Variants in SLC25A33 observed in about 807,000 individuals in gnomAD.
SLC25A33 encodes the protein bone marrow stromal cell mitochondrial carrier protein.
A neutral mutation model predicts 35.5 loss-of-function variants in SLC25A33; 15 were observed. The observed-to-expected ratio is 0.42, with a 90% CI of 0.28 to 0.65. The LOEUF (loss-of-function observed/expected upper bound fraction) is 0.65. Among genes scored for constraint, SLC25A33 ranks in the 30% least tolerant of loss-of-function variants. SLC25A33 has a pLI of 0.20. For synonymous variants in SLC25A33, 136 were observed against 148.7 expected (o/e 0.91, Z 0.62); for missense variants, 257 against 398.5 (o/e 0.64, Z 3.02).
At chr1:9,567,893 A>G (rs1489929799) in intron 3 of SLC25A33, among the ~76,000 whole-genome samples, 1 of 152,232 alleles carries the variant, frequency 6.6e-6, no homozygotes, top group Non-Finnish European at 1.5e-5. Context: ...CCCAGTACAT[A>G]AGGGTAGTCA....
At chr1:9,555,110 CTTTTTTTTTTTTT>C (rs1172100444) in intron 2 of SLC25A33, among the ~76,000 whole-genome samples, 1 of 91,178 alleles carries the variant, frequency 1.1e-5, no homozygotes, top group Non-Finnish European at 2.0e-5. Context: ...GCATTTAGCA[CTTTTTTTTTTTTT>C]TTTTTTTTTT....
At position 9,580,171 on chromosome 1, in the gene SLC25A33, T is replaced by A; in HGVS notation, c.700T>A (p.Phe234Ile). 2 of 1,609,760 alleles carry A rather than the reference T, an allele frequency of 1.2e-6. No homozygotes were observed. The highest frequency in any genetic ancestry group is 2.2e-5 in the South Asian group (2 of 90,298). The change falls in exon 6 of 7, where the codon TTT (phenylalanine) becomes ATT (isoleucine). Residue 234 changes from phenylalanine (F) to isoleucine (I), a missense_variant. Physicochemically the swap from Phe to Ile is conservative, Grantham distance 21. Transcript: ENST00000302692. Reference protein sequence around the residue: ...NGTEKNSTSFFGLMAAAALSK... With the variant: ...NGTEKNSTSFIGLMAAAALSK... Reference sequence around the variant, plus strand: ...GACTGAGAAAAATTCCACAAGTTTTTTTGGACTTATGGCAGCTGCTGCTCT... The same window carrying A: ...GACTGAGAAAAATTCCACAAGTTTTATTGGACTTATGGCAGCTGCTGCTCT...
intron 1 of SLC25A33, among the ~76,000 whole-genome samples, chr1:9,553,306 C>G (rs565878089): frequency 1.4e-5 from 2 of 142,484 alleles, no homozygotes; most frequent in African/African-American, 5.3e-5. Flanking sequence ...CTCACTGCAG[C>G]CTCTGCCTCC....
chr1:9,547,897 G>A (rs1411208611), intron 1 of SLC25A33, among the ~76,000 whole-genome samples: 1 of 151,324 alleles, frequency 6.6e-6, no homozygotes, highest in Non-Finnish European at 1.5e-5. Context: ...TGTCACCCAC[G>A]CTGGAGTGCA....
intron 2 of SLC25A33, among the ~76,000 whole-genome samples, chr1:9,566,368 A>C (rs763816881): frequency 2.6e-5 from 4 of 152,152 alleles, no homozygotes; most frequent in Non-Finnish European, 5.9e-5. Context: ...ATAAGATTCT[A>C]CTACATTAGG....
rs985161017 is a variant in SLC25A33, at chr1:9,582,223, C to T, written c.764-76C>T. On this transcript the variant is annotated intron_variant, in intron 6 of 6. Transcript: ENST00000302692. The surrounding 1 kb of genome is among the most constrained non-coding windows in gnomAD (Gnocchi z 4.0). Reference sequence around the variant, plus strand: ...GCCACCGCACCCGGCCTAACCTTGACAGTTTTAAAGTTGTGTGCTGTGGAT... The same window carrying T: ...GCCACCGCACCCGGCCTAACCTTGATAGTTTTAAAGTTGTGTGCTGTGGAT... The T allele has an allele frequency of 6.6e-7, 1 of 1,526,484 alleles. No homozygotes were observed. The highest frequency in any genetic ancestry group is 9.1e-7 in the Non-Finnish European group (1 of 1,102,578). 94.6% of individuals were successfully genotyped at this position (1,526,484 alleles called of 1,614,324 possible). A position where few individuals can be genotyped will look rare whatever the true frequency, so the allele number is the denominator to read the frequency against.
chr1:9,576,712 A>G (rs1029613976), intron 5 of SLC25A33: 4 of 733,378 alleles, frequency 5.5e-6, no homozygotes, highest in East Asian at 7.0e-5. Flanking sequence ...TCACTTCCCC[A>G]CCGACATTGT....
chr1:9,573,711 C>T (rs1643621540), intron 5 of SLC25A33, among the ~76,000 whole-genome samples: 1 of 152,142 alleles, frequency 6.6e-6, no homozygotes, highest in African/African-American at 2.4e-5. Flanking sequence ...TTGCAGACCC[C>T]ACCCCAGTTG....
At chr1:9,556,322 T>C (rs1226740581) in intron 2 of SLC25A33, 1 of 870,062 alleles carries the variant, frequency 1.1e-6, no homozygotes, top group East Asian at 1.2e-4. Flanking sequence ...ACTAGTGAAT[T>C]TGGATTTACT....
At position 9,580,066 on chromosome 1, in the gene SLC25A33, G is replaced by A. The variant is rs544661758; in HGVS notation, c.595G>A (p.Glu199Lys). 28 of 1,612,984 alleles carry A rather than the reference G, an allele frequency of 1.7e-5. No homozygotes were observed. The highest frequency in any genetic ancestry group is 4.5e-5 in the East Asian group (2 of 44,882). ...AACTGCCTCGTATGCTGGAATTTCC[G>A]AAACTATAATCTGCTTTGCTATTTA... ...GLTASYAGIS[E>K]TIICFAIYES... is the part of the protein sequence containing the mutation. Residue 199 changes from glutamate to lysine, a missense_variant, in exon 6 of 7, where the codon GAA becomes AAA. By Grantham distance (56) the Glu-to-Lys change is moderately conservative. Coordinates refer to ENST00000302692, the MANE Select transcript of SLC25A33 (RefSeq NM_032315.3).
At chr1:9,542,517 A>G (rs1643101179) in intron 1 of SLC25A33, among the ~76,000 whole-genome samples, 1 of 152,146 alleles carries the variant, frequency 6.6e-6, no homozygotes, top group South Asian at 2.1e-4. Flanking sequence ...GAAGAACATG[A>G]AAGGAGCTGA....
At chr1:9,580,768 A>G (rs531992507) in intron 6 of SLC25A33, among the ~76,000 whole-genome samples, 1 of 151,718 alleles carries the variant, frequency 6.6e-6, no homozygotes, top group Admixed American at 6.6e-5. Context: ...AGGCAGGAGA[A>G]TCGCTTGAAC....
intron 3 of SLC25A33, 70 bp downstream of exon 3, chr1:9,567,431 G>GT: frequency 7.2e-7 from 1 of 1,383,592 alleles, no homozygotes; most frequent in Non-Finnish European, 1.0e-6. Flanking sequence ...TTACCAAAGG[G>GT]TGATGCTGCT....
At chr1:9,561,827 A>G (rs1029136382) in intron 2 of SLC25A33, among the ~76,000 whole-genome samples, 6 of 152,132 alleles carry the variant, frequency 3.9e-5, no homozygotes, top group Non-Finnish European at 1.5e-5. Flanking sequence ...TTCTTGATAC[A>G]CTTAGCGTTT....
Position 9,576,968 on chromosome 1 carries a change from C to G in SLC25A33, c.483-2986C>G, listed in dbSNP as rs1350084982. 5.7e-6 allele frequency: 7 copies of G among 1,234,600 alleles called. No homozygotes were observed. In the Admixed American group the frequency reaches 1.2e-4, roughly 21 times the overall value. 76.5% of individuals were successfully genotyped at this position (1,234,600 alleles called of 1,614,324 possible). A position where few individuals can be genotyped will look rare whatever the true frequency, so the allele number is the denominator to read the frequency against. On this transcript the variant is annotated intron_variant, in intron 5 of 6. Coordinates refer to ENST00000302692, the MANE Select transcript of SLC25A33 (RefSeq NM_032315.3). ...CTATGTCTCTGAAAAAGGAACTGTT[C>G]AGCAGGCTGATGAATAAGATCTAAG...
At chr1:9,539,912 C>A (rs1643050458) in intron 1 of SLC25A33, among the ~76,000 whole-genome samples, 165 bp downstream of exon 1, 1 of 152,072 alleles carries the variant, frequency 6.6e-6, no homozygotes, top group Non-Finnish European at 1.5e-5. Context: ...TGGGCAGGGC[C>A]GAGGGAGGGG....
intron 5 of SLC25A33, chr1:9,576,474 C>A: frequency 2.3e-6 from 1 of 432,198 alleles, no homozygotes; most frequent in South Asian, 1.8e-5. Context: ...CAGAAAATGT[C>A]AACATTACCC....
At position 9,584,588 on chromosome 1, in the gene SLC25A33, G is replaced by A. The variant is rs148640480; in HGVS notation, c.*2087G>A. The A allele has an allele frequency of 0.02, 3,072 of 152,308 alleles. 100 individuals carry two copies. The highest frequency in any genetic ancestry group is 0.069 in the African/African-American group (2,868 of 41,524). The allele number at this position is 152,308 out of a possible 1,614,324, so 9.4% of individuals were successfully genotyped here. ...CTAATTTTGTATTTTTAGTAGAGAT[G>A]GGGTTTCACCATGTTGGCCAGGCTG... On this transcript the variant is annotated 3_prime_UTR_variant, in exon 7 of 7. Transcript: ENST00000302692.
Position 9,583,828 on chromosome 1 carries a change from TAAAAAAATAC to T in SLC25A33, c.*1336_*1345del, listed in dbSNP as rs1352867744. The T allele has an allele frequency of 6.6e-6, 1 of 151,738 alleles. No individual in the cohort carries two copies. Among genetic ancestry groups the T allele is most frequent in the Non-Finnish European group, 1.5e-5 (1 of 68,002 alleles). 9.4% of individuals were successfully genotyped at this position (151,738 alleles called of 1,614,324 possible). ...TAACACGGTGAAACCCCGTCTCTAC[TAAAAAAATAC>T]AAAAAAATTGGCCATGCGTGGTGGC... On this transcript the variant is annotated 3_prime_UTR_variant, in exon 7 of 7. Coordinates refer to ENST00000302692, the MANE Select transcript of SLC25A33 (RefSeq NM_032315.3).
Sources: allele counts gnomAD v4.1 joint callset (sites outside exome capture counted in the v4.1 genomes callset), GRCh38; gene constraint gnomAD v4.1.1; non-coding constraint Gnocchi (gnomAD v3.1); transcripts MANE v1.5; gene names NCBI Gene and HGNC (gene_info 2026-07-23, HGNC 2026-07-21).